Variants in MEF2A observed in about 807,000 individuals in gnomAD.
The protein encoded by MEF2A is myocyte-specific enhancer factor 2A.
Under a neutral mutation model 55.8 loss-of-function variants are expected in MEF2A, and 28 were observed. The ratio of observed to expected loss-of-function variants is 0.50; its 90% CI spans 0.37 to 0.69. MEF2A has a LOEUF of 0.69. MEF2A is among the 30% of genes least tolerant of loss of function. The pLI is 0.00. For synonymous variants in MEF2A, 239 were observed against 227.1 expected (o/e 1.05, Z -0.47); for missense variants, 528 against 626.2 (o/e 0.84, Z 1.67).
At chr15:99,652,274 A>T (rs2046976481) in intron 4 of MEF2A, among the ~76,000 whole-genome samples, 1 of 152,032 alleles carries the variant, frequency 6.6e-6, no homozygotes, top group African/African-American at 2.4e-5. Flanking sequence ...TTAGATTCTC[A>T]TAAGGAATGG....
chr15:99,598,445 A>C lies in MEF2A; in HGVS notation c.-209A>C, dbSNP rs1273101573. The C allele has an allele frequency of 1.3e-5, 2 of 152,166 alleles. No individual in the cohort carries two copies. Among genetic ancestry groups the C allele is most frequent in the African/African-American group, 2.4e-5 (1 of 41,446 alleles). The allele number at this position is 152,166 out of a possible 1,614,324, so 9.4% of individuals were successfully genotyped here. A position where few individuals can be genotyped will look rare whatever the true frequency, so the allele number is the denominator to read the frequency against. Reference sequence around the variant, plus strand: ...CTTTTTTAAGGAATTGCATTTTGTGAAAAAAGAACAAGAATTTTCTGCAAG... The same window carrying C: ...CTTTTTTAAGGAATTGCATTTTGTGCAAAAAGAACAAGAATTTTCTGCAAG... On this transcript the variant is annotated 5_prime_UTR_variant, in exon 2 of 12. Coordinates refer to ENST00000557942, the MANE Select transcript of MEF2A (RefSeq NM_001319206.4).
At chr15:99,569,905 T>C (rs527506238) in intron 1 of MEF2A, among the ~76,000 whole-genome samples, 47 of 152,114 alleles carry the variant, frequency 3.1e-4, no homozygotes, top group African/African-American at 9.4e-4. Context: ...TTGTGTCCAG[T>C]TTATTATAAT....
intron 4 of MEF2A, 162 bp downstream of exon 4, chr15:99,645,926 C>T: frequency 1.9e-6 from 1 of 528,590 alleles, no homozygotes; most frequent in Non-Finnish European, 3.3e-6. Context: ...TATGGCGACT[C>T]ACTTGTGTTA....
At chr15:99,616,566 G>A (rs574588417) in intron 2 of MEF2A, among the ~76,000 whole-genome samples, 123 of 152,256 alleles carry the variant, frequency 8.1e-4, no homozygotes, top group African/African-American at 2.8e-3. Context: ...TTAATAAGAG[G>A]CAATTAAGCA....
chr15:99,572,013 G>GTTTTTTTTTTTTTTTTTTTTTTTTTT (rs36027608), intron 1 of MEF2A, among the ~76,000 whole-genome samples: 2 of 128,374 alleles, frequency 1.6e-5, no homozygotes. Flanking sequence ...CTCCATAGAA[G>GTTTTTTTTTTTTTTTTTTTTTTTTTT]TTTTTTTTTT....
chr15:99,630,583 G>T (rs551122506), intron 2 of MEF2A, among the ~76,000 whole-genome samples: 1 of 152,164 alleles, frequency 6.6e-6, no homozygotes, highest in East Asian at 1.9e-4. Context: ...GTTTTGACCG[G>T]TTATATTTTG....
intron 1 of MEF2A, among the ~76,000 whole-genome samples, chr15:99,593,480 A>G (rs780521804): frequency 1.3e-4 from 20 of 152,224 alleles, no homozygotes; most frequent in Non-Finnish European, 2.8e-4. Flanking sequence ...ATCTTAAGGC[A>G]TGAGGAGTTG....
intron 4 of MEF2A, among the ~76,000 whole-genome samples, chr15:99,668,035 G>A (rs942872302): frequency 6.6e-6 from 1 of 151,788 alleles, no homozygotes; most frequent in Admixed American, 6.6e-5. Flanking sequence ...ACAATGTGCA[G>A]AAAGTACCTG....
chr15:99,642,617 T>C (rs921340193), intron 3 of MEF2A, among the ~76,000 whole-genome samples: 2 of 152,218 alleles, frequency 1.3e-5, no homozygotes, highest in Non-Finnish European at 1.5e-5. Flanking sequence ...GCAATTATAT[T>C]AAGTATGAGT....
chr15:99,626,510 GCTTT>G (rs2042078450), intron 2 of MEF2A, among the ~76,000 whole-genome samples: 1 of 151,572 alleles, frequency 6.6e-6, no homozygotes, highest in Non-Finnish European at 1.5e-5. Context: ...CTTTCTGCTA[GCTTT>G]GAGTTTTCCT....
rs137925782 is a variant in MEF2A, at chr15:99,588,046, T to A, written c.-224-10384T>A. On this transcript the variant is annotated intron_variant, in intron 1 of 11. Coordinates refer to ENST00000557942, the MANE Select transcript of MEF2A (RefSeq NM_001319206.4). ...AGTCTTTTACCATTAAGTATGATCT[T>A]AGCTGTAGGTTTTCTGTGGATGCTC... 8.5e-3 allele frequency among the ~76,000 whole-genome samples: 1,299 copies of A among 152,324 alleles called. 17 individuals are homozygous for A. Among genetic ancestry groups the A allele is most frequent in the African/African-American group, 0.028 (1,183 of 41,564 alleles).
intron 2 of MEF2A, among the ~76,000 whole-genome samples, chr15:99,613,870 A>C (rs904561020): frequency 6.6e-6 from 1 of 152,230 alleles, no homozygotes; most frequent in African/African-American, 2.4e-5. Context: ...ACAACTTAGT[A>C]GAAATTGTTT....
At chr15:99,689,983 C>G (rs990747545) in intron 7 of MEF2A, among the ~76,000 whole-genome samples, 3 of 152,142 alleles carry the variant, frequency 2.0e-5, no homozygotes, top group African/African-American at 7.2e-5. Flanking sequence ...ACATTTTGAG[C>G]ACTGACGTGA....
chr15:99,600,760 C>G (rs910626667), intron 2 of MEF2A, among the ~76,000 whole-genome samples: 15 of 94,622 alleles, frequency 1.6e-4, no homozygotes, highest in Admixed American at 1.5e-3. Context: ...ATCTATATAT[C>G]CTTATGACAG....
chr15:99,689,106 A>G (rs2054866627), intron 7 of MEF2A, among the ~76,000 whole-genome samples: 1 of 152,274 alleles, frequency 6.6e-6, no homozygotes. Flanking sequence ...TAGAGCATAT[A>G]TCACAATGTG....
intron 1 of MEF2A, among the ~76,000 whole-genome samples, chr15:99,579,239 A>G (rs911064420): frequency 2.0e-5 from 3 of 151,346 alleles, no homozygotes; most frequent in African/African-American, 4.8e-5. Context: ...CATATCATCA[A>G]ATGCTTGTTT....
intron 4 of MEF2A, among the ~76,000 whole-genome samples, chr15:99,649,482 C>T (rs568772656): frequency 1.2e-4 from 19 of 152,072 alleles, no homozygotes; most frequent in Non-Finnish European, 1.9e-4. Context: ...CAAAAACACA[C>T]ATTTTATCTT....
At chr15:99,617,658 GGGTT>G (rs2040435104) in intron 2 of MEF2A, among the ~76,000 whole-genome samples, 2 of 152,120 alleles carry the variant, frequency 1.3e-5, no homozygotes, top group South Asian at 4.1e-4. Flanking sequence ...GGTGGTTCCA[GGGTT>G]GGTTAACTCC....
At chr15:99,671,579 G>A in intron 5 of MEF2A, 125 bp downstream of exon 5, 2 of 1,611,310 alleles carry the variant, frequency 1.2e-6, no homozygotes, top group South Asian at 1.1e-5. Flanking sequence ...CTTCATATGT[G>A]CTAACTCCAC....
Sources: gnomAD v4.1 joint callset for allele counts (sites outside exome capture counted in the v4.1 genomes callset) on GRCh38, gnomAD v4.1.1 for gene constraint, MANE v1.5 for transcripts, NCBI Gene and HGNC (gene_info 2026-07-23, HGNC 2026-07-21) for gene names.